The following MAGI3 variants were observed in gnomAD, a reference collection of about 807,000 sequenced individuals.
MAGI3 encodes the protein membrane associated guanylate kinase, WW and PDZ domain containing 3, also known as membrane-associated guanylate kinase, WW and PDZ domain-containing protein 3.
In MAGI3, 43 loss-of-function variants were observed where a neutral mutation model predicts 121.8. The observed-to-expected ratio is 0.35, with a 90% CI of 0.28 to 0.46. The LOEUF (loss-of-function observed/expected upper bound fraction) is 0.46. Ranked by LOEUF, MAGI3 falls within the 20% of genes least tolerant of loss-of-function variation. The probability of loss-of-function intolerance (pLI) is 1.00; values close to 1 mark genes in which losing one functional copy is unlikely to be tolerated. For missense variants in MAGI3, 1,547 were observed against 1,797.3 expected (o/e 0.86, Z 2.52); for synonymous variants, 553 against 639.3 (o/e 0.86, Z 2.04).
At chr1:113,490,540 A>G (rs1656619760) in intron 1 of MAGI3, among the ~76,000 whole-genome samples, 1 of 152,224 alleles carries the variant, frequency 6.6e-6, no homozygotes, top group Admixed American at 6.5e-5. Context: ...CTAACCTTGA[A>G]TGTAATGAGC....
In MAGI3 at chr1:113,567,013, T is replaced by TA. The variant is rs200036235; in HGVS notation, c.434-13524dup. Among the ~76,000 whole-genome samples, 10 of 149,824 alleles carry TA rather than the reference T, an allele frequency of 6.7e-5. No individual in the cohort carries two copies. In the South Asian group the frequency reaches 1.1e-3, roughly 16 times the overall value. On this transcript the variant is annotated intron_variant, in intron 2 of 20. Transcript: ENST00000307546. ...AACCAAACCAGGAGTTGTTTTTTTT[T>TA]AAAAAGAAAATCACTAAAATTGATA...
At chr1:113,644,691 G>A (rs1310875111) in intron 11 of MAGI3, among the ~76,000 whole-genome samples, 3 of 152,150 alleles carry the variant, frequency 2.0e-5, no homozygotes, top group African/African-American at 4.8e-5. Flanking sequence ...AAATAATCAC[G>A]TAGCCTGTTT....
chr1:113,420,105 G>A (rs879026420), intron 1 of MAGI3, among the ~76,000 whole-genome samples: 1 of 152,240 alleles, frequency 6.6e-6, no homozygotes, highest in South Asian at 2.1e-4. Context: ...ACCATCAGCT[G>A]TAAGGATGGA....
intron 18 of MAGI3, among the ~76,000 whole-genome samples, 178 bp downstream of exon 18, chr1:113,672,919 G>C (rs1018006669): frequency 2.8e-4 from 42 of 152,208 alleles, no homozygotes; most frequent in Admixed American, 4.6e-4. Context: ...AGGAGTGAAA[G>C]AAAAGTTTCC....
chr1:113,600,740 C>A (rs1176872959), intron 6 of MAGI3, among the ~76,000 whole-genome samples: 1 of 143,874 alleles, frequency 7.0e-6, no homozygotes. Context: ...TCATATGGAA[C>A]CAAAAAAGAG....
At chr1:113,652,369 A>G (rs1013386094) in intron 14 of MAGI3, among the ~76,000 whole-genome samples, 2 of 152,222 alleles carry the variant, frequency 1.3e-5, no homozygotes, top group African/African-American at 4.8e-5. Flanking sequence ...AATGTTGTTA[A>G]TTGGATGAAT....
intron 1 of MAGI3, among the ~76,000 whole-genome samples, chr1:113,535,905 C>T (rs1658954191): frequency 6.6e-6 from 1 of 152,116 alleles, no homozygotes; most frequent in Non-Finnish European, 1.5e-5. Flanking sequence ...ACCTGATTTC[C>T]TGCCTCAATT....
At chr1:113,515,377 T>C (rs536021238) in intron 1 of MAGI3, among the ~76,000 whole-genome samples, 26 of 152,218 alleles carry the variant, frequency 1.7e-4, no homozygotes, top group African/African-American at 6.3e-4. Context: ...AGGAAATGAA[T>C]TTTTACTATC....
In MAGI3 at chr1:113,422,176, G is replaced by A. The variant is rs766466238; in HGVS notation, c.316+30827G>A. Reference sequence around the variant, plus strand: ...AGTTATAAGAAATAATAGAGATCTTGTATACCTTTCCCTTAGTTTGCACCA... The same window carrying A: ...AGTTATAAGAAATAATAGAGATCTTATATACCTTTCCCTTAGTTTGCACCA... On this transcript the variant is annotated intron_variant, in intron 1 of 20. Transcript: ENST00000307546. The surrounding 1 kb of genome is among the most constrained non-coding windows in gnomAD (Gnocchi z 4.3). Among the ~76,000 whole-genome samples, 4 of 152,180 alleles carry A rather than the reference G, an allele frequency of 2.6e-5. No individual in the cohort carries two copies. Among genetic ancestry groups the A allele is most frequent in the Non-Finnish European group, 4.4e-5 (3 of 68,030 alleles).
chr1:113,611,981 A>G (rs933558190), intron 6 of MAGI3, among the ~76,000 whole-genome samples: 5 of 71,824 alleles, frequency 7.0e-5, no homozygotes, highest in South Asian at 4.6e-4. Flanking sequence ...GACTCGGTCT[A>G]TCACCAGGCT....
intron 1 of MAGI3, among the ~76,000 whole-genome samples, chr1:113,512,577 G>A (rs921893534): frequency 1.3e-5 from 2 of 152,142 alleles, no homozygotes; most frequent in Non-Finnish European, 2.9e-5. Context: ...CTTCTTCAGA[G>A]TGGTCTGCTG....
chr1:113,472,107 A>G (rs1655562177), intron 1 of MAGI3, among the ~76,000 whole-genome samples: 1 of 151,998 alleles, frequency 6.6e-6, no homozygotes, highest in Non-Finnish European at 1.5e-5. Context: ...TCTTTTAGTT[A>G]CCATTTGCTT....
chr1:113,407,442 A>G (rs780942284), intron 1 of MAGI3, among the ~76,000 whole-genome samples: 4 of 152,154 alleles, frequency 2.6e-5, no homozygotes, highest in Non-Finnish European at 5.9e-5. Flanking sequence ...AATAGGAAAG[A>G]CAGGAGGTTG....
chr1:113,663,998 C>G (rs542284000), intron 16 of MAGI3, among the ~76,000 whole-genome samples: 2 of 152,238 alleles, frequency 1.3e-5, no homozygotes, highest in South Asian at 4.1e-4. Context: ...ATTTGTAAAT[C>G]TTCTTTACAT....
intron 1 of MAGI3, among the ~76,000 whole-genome samples, chr1:113,406,645 G>A (rs769659291): frequency 6.6e-6 from 1 of 152,006 alleles, no homozygotes; most frequent in Non-Finnish European, 1.5e-5. Context: ...GAGTGTGGTG[G>A]CACAGGCTTA....
At chr1:113,426,052 T>C (rs1220518765) in intron 1 of MAGI3, among the ~76,000 whole-genome samples, 2 of 152,234 alleles carry the variant, frequency 1.3e-5, no homozygotes, top group Non-Finnish European at 2.9e-5. Context: ...TAAATTTTCC[T>C]GTCAGCACTG....
chr1:113,587,850 T>C (rs1245525353), intron 4 of MAGI3, among the ~76,000 whole-genome samples: 1 of 152,230 alleles, frequency 6.6e-6, no homozygotes, highest in East Asian at 1.9e-4. Flanking sequence ...TGTAACTCCT[T>C]TCCAGATTGA....
chr1:113,477,825 C>A (rs971402784), intron 1 of MAGI3, among the ~76,000 whole-genome samples: 2 of 152,292 alleles, frequency 1.3e-5, no homozygotes, highest in South Asian at 2.1e-4. Flanking sequence ...AGAGTGTTTG[C>A]CAACTTAGTT....
rs541473110 is a variant in MAGI3 at position 113,651,813 on chromosome 1, A to C, written c.2440+607A>C. ...GCCTAAATTTGTTTTGTTTTTTTTT[A>C]AATAACAAATACAAAATTATTTAGT... On this transcript the variant is annotated intron_variant, in intron 14 of 20. Coordinates refer to ENST00000307546, the MANE Select transcript of MAGI3 (RefSeq NM_001142782.2). Among the ~76,000 whole-genome samples, 9 of 152,226 alleles carry C rather than the reference A, an allele frequency of 5.9e-5. 1 individual carries two copies. The South Asian group carries it at 1.9e-3, about 32-fold the overall frequency.
Sources: gnomAD v4.1 joint callset for allele counts (sites outside exome capture counted in the v4.1 genomes callset) on GRCh38, gnomAD v4.1.1 for gene constraint, Gnocchi (gnomAD v3.1) non-coding constraint, MANE v1.5 for transcripts, NCBI Gene and HGNC (gene_info 2026-07-23, HGNC 2026-07-21) for gene names.